USP8: variants seen among roughly 807,000 people sequenced by gnomAD.
USP8 encodes the protein ubiquitin carboxyl-terminal hydrolase 8.
USP8 carries 27 observed loss-of-function variants against 130.0 expected under a neutral mutation model. That is an observed-to-expected ratio of 0.21 (90% CI 0.15 to 0.29). The LOEUF (loss-of-function observed/expected upper bound fraction) is 0.29, where lower values mean the gene tolerates loss of function less well. Ranked by LOEUF, USP8 falls within the 10% of genes least tolerant of loss-of-function variation. The pLI, the probability that USP8 is intolerant of heterozygous loss-of-function variation, is 1.00. For synonymous variants in USP8, 392 were observed against 444.1 expected (o/e 0.88, Z 1.48); for missense variants, 1,029 against 1,312.2 (o/e 0.78, Z 3.33).
At chr15:50,460,301 CTTTT>C (rs1168064692) in intron 5 of USP8, among the ~76,000 whole-genome samples, 6 of 77,360 alleles carry the variant, frequency 7.8e-5, no homozygotes, top group African/African-American at 2.7e-4. Flanking sequence ...CCTGGCTCTT[CTTTT>C]TTTTTTTTTT....
intron 5 of USP8, among the ~76,000 whole-genome samples, chr15:50,460,553 C>A: frequency 6.6e-6 from 1 of 152,016 alleles, no homozygotes; most frequent in East Asian, 1.9e-4. Context: ...AAGCGATCTA[C>A]CCACCTTGGC....
intron 6 of USP8, among the ~76,000 whole-genome samples, 173 bp downstream of exon 6, chr15:50,462,495 T>G (rs1306762798): frequency 1.3e-5 from 2 of 152,218 alleles, no homozygotes; most frequent in Admixed American, 6.5e-5. Flanking sequence ...GAGGTTATTT[T>G]TATGTATTTA....
intron 15 of USP8, 113 bp from the exon 16 acceptor site, chr15:50,493,957 A>C: frequency 8.4e-7 from 1 of 1,191,132 alleles, no homozygotes; most frequent in Non-Finnish European, 1.2e-6. Flanking sequence ...TAAGTAGTTT[A>C]ATGTAGTGCT....
chr15:50,429,603 A>G (rs975485022), intron 1 of USP8, among the ~76,000 whole-genome samples: 8 of 152,270 alleles, frequency 5.3e-5, no homozygotes, highest in Non-Finnish European at 1.2e-4. Context: ...TGGGAGACCT[A>G]GGCAGGAGGA....
chr15:50,438,035 G>A (rs1356876166), intron 1 of USP8, among the ~76,000 whole-genome samples: 1 of 152,212 alleles, frequency 6.6e-6, no homozygotes, highest in East Asian at 1.9e-4. Context: ...AAATGGTTTG[G>A]TGACTAAGAC....
chr15:50,472,456 G>T (rs948292906), intron 8 of USP8, among the ~76,000 whole-genome samples: 1 of 151,638 alleles, frequency 6.6e-6, no homozygotes, highest in Non-Finnish European at 1.5e-5. Context: ...AATTAGCCGG[G>T]CGCAGTGGCG....
intron 7 of USP8, chr15:50,467,086 T>C (rs778988156): frequency 2.8e-5 from 15 of 544,718 alleles, no homozygotes; most frequent in Non-Finnish European, 3.8e-5. Context: ...GAAGTCACCA[T>C]TGGAGATGCT....
intron 7 of USP8, chr15:50,467,011 T>A (rs1156404137): frequency 1.9e-6 from 1 of 528,248 alleles, no homozygotes; most frequent in Non-Finnish European, 3.4e-6. Flanking sequence ...CTCATTGACT[T>A]GCACATCCTT....
At chr15:50,462,241 C>G in intron 5 of USP8, 39 bp from the exon 6 acceptor site, 5 of 1,566,018 alleles carry the variant, frequency 3.2e-6, no homozygotes, top group Non-Finnish European at 4.3e-6. Flanking sequence ...TTTTTTGTGT[C>G]TATGAAAGTT....
intron 12 of USP8, among the ~76,000 whole-genome samples, chr15:50,486,170 A>G (rs911976809): frequency 1.3e-5 from 2 of 152,150 alleles, no homozygotes; most frequent in Non-Finnish European, 2.9e-5. Flanking sequence ...CAACATAGCA[A>G]GACCCCATTT....
chr15:50,485,461 AAGGCTTC>A (rs2051922820), intron 12 of USP8, among the ~76,000 whole-genome samples: 1 of 150,782 alleles, frequency 6.6e-6, no homozygotes, highest in Non-Finnish European at 1.5e-5. Context: ...AAAAAAAAAA[AAGGCTTC>A]TTTGCCTTTG....
At chr15:50,495,165 G>T (rs2052328028) in intron 16 of USP8, among the ~76,000 whole-genome samples, 1 of 151,202 alleles carries the variant, frequency 6.6e-6, no homozygotes, top group Non-Finnish European at 1.5e-5. Flanking sequence ...ATATTTTGGG[G>T]TCACCATTCT....
intron 3 of USP8, among the ~76,000 whole-genome samples, chr15:50,445,540 T>C (rs1305438221): frequency 0.13 from 804 of 6,424 alleles, no homozygotes; most frequent in Middle Eastern, 0.29. Context: ...AGCAAGAGTC[T>C]GTCTCAAAAA....
intron 15 of USP8, chr15:50,493,185 A>C (rs1595986072): frequency 1.9e-6 from 1 of 537,488 alleles, no homozygotes; most frequent in South Asian, 1.5e-5. Context: ...AACGGCACCT[A>C]ATCCTGTTCA....
chr15:50,482,192 C>G lies in USP8; in HGVS notation c.1803+127C>G. On this transcript the variant is annotated intron_variant, in intron 11 of 19. Coordinates refer to ENST00000307179, the MANE Select transcript of USP8 (RefSeq NM_005154.5). ...GTCTTTTCAGGGGTGATAGAATGTA[C>G]TGATCTATCCACATTTGCTCATCTA... The G allele has an allele frequency of 5.1e-6, 4 of 785,468 alleles. No individual in the cohort carries two copies. In the South Asian group the frequency reaches 1.4e-4, roughly 28 times the overall value. 48.7% of individuals were successfully genotyped at this position (785,468 alleles called of 1,614,324 possible).
At chr15:50,459,880 T>C (rs929301155) in intron 5 of USP8, among the ~76,000 whole-genome samples, 2 of 152,084 alleles carry the variant, frequency 1.3e-5, no homozygotes, top group African/African-American at 4.8e-5. Flanking sequence ...TAATTTACAT[T>C]AAAAGATTTA....
At chr15:50,467,426 G>A (rs1483278591) in intron 7 of USP8, among the ~76,000 whole-genome samples, 3 of 152,156 alleles carry the variant, frequency 2.0e-5, no homozygotes, top group Non-Finnish European at 2.9e-5. Context: ...AGGAGTTTCA[G>A]TTTGGTGCTA....
chr15:50,425,570 C>G (rs541242812), intron 1 of USP8, among the ~76,000 whole-genome samples: 1 of 152,132 alleles, frequency 6.6e-6, no homozygotes, highest in African/African-American at 2.4e-5. Context: ...ATGTCTTTAT[C>G]ATGTTGATAT....
At chr15:50,480,216 C>T (rs1487178372) in intron 10 of USP8, among the ~76,000 whole-genome samples, 5 of 152,106 alleles carry the variant, frequency 3.3e-5, no homozygotes, top group Admixed American at 3.3e-4. Flanking sequence ...TGTTAACATG[C>T]TGTTAAATTG....
Sources: gnomAD v4.1 joint callset for allele counts (sites outside exome capture counted in the v4.1 genomes callset) on GRCh38, gnomAD v4.1.1 for gene constraint, MANE v1.5 for transcripts, NCBI Gene and HGNC (gene_info 2026-07-23, HGNC 2026-07-21) for gene names.